UNKL: variants seen among roughly 807,000 people sequenced by gnomAD.
UNKL encodes the protein putative E3 ubiquitin-protein ligase UNKL.
UNKL carries 60 observed loss-of-function variants against 78.0 expected under a neutral mutation model. The observed-to-expected ratio is 0.77, with a 90% CI of 0.63 to 0.95. The LOEUF (loss-of-function observed/expected upper bound fraction) is 0.95. Ranked by LOEUF, UNKL falls within the 40% of genes least tolerant of loss-of-function variation. The pLI is 0.00. For missense variants in UNKL, 1,159 were observed against 1,045.7 expected (o/e 1.11, Z -1.49); for synonymous variants, 608 against 474.8 (o/e 1.28, Z -3.65).
chr16:1,396,917 T>C (rs2037291385), intron 6 of UNKL: 1 of 501,750 alleles, frequency 2.0e-6, no homozygotes, highest in African/African-American at 1.9e-5. Flanking sequence ...ACATTTTCTC[T>C]CTGCTTTTTT....
chr16:1,398,820 A>G (rs2037388796), intron 5 of UNKL: 2 of 1,555,454 alleles, frequency 1.3e-6, no homozygotes, highest in Non-Finnish European at 1.7e-6. Context: ...CCCACAAGCC[A>G]GACCCAGGGG....
chr16:1,364,440 G>A lies in UNKL; in HGVS notation c.*1800C>T, dbSNP rs752178929. On this transcript the variant is annotated 3_prime_UTR_variant, in exon 15 of 15. Coordinates refer to ENST00000389221, the MANE Select transcript of UNKL (RefSeq NM_001372107.1). ...CACGGTCGGGGAGAAACACGTCGGT[G>A]CCGCTTCCCACTCGTGTGCCCTCAC... The A allele has an allele frequency of 3.3e-5, 5 of 152,256 alleles. No homozygotes were observed. The highest frequency in any genetic ancestry group is 7.3e-5 in the Non-Finnish European group (5 of 68,044). 9.4% of individuals were successfully genotyped at this position (152,256 alleles called of 1,614,324 possible).
In UNKL at chr16:1,387,801, C is replaced by G. The variant is rs529922016; in HGVS notation, c.1087-2416G>C. Among the ~76,000 whole-genome samples, 1 of 151,838 alleles carries G rather than the reference C, an allele frequency of 6.6e-6. No individual in the cohort carries two copies. The highest frequency in any genetic ancestry group is 1.5e-5 in the Non-Finnish European group (1 of 67,828). ...TGCCCGGCCTGCGGAAGCCCTCCCC[C>G]ACCCCCGCCTCATCCCATCTCTTGG... is the stretch of plus-strand genomic sequence containing the variant. On this transcript the variant is annotated intron_variant, in intron 9 of 14. Coordinates refer to ENST00000389221, the MANE Select transcript of UNKL (RefSeq NM_001372107.1). The surrounding 1 kb of genome is among the most constrained non-coding windows in gnomAD (Gnocchi z 4.1).
At position 1,387,921 on chromosome 16, in the gene UNKL, C is replaced by G. The variant is rs1596714503; in HGVS notation, c.1087-2536G>C. 3.9e-5 allele frequency among the ~76,000 whole-genome samples: 6 copies of G among 152,208 alleles called. No individual in the cohort carries two copies. The South Asian group carries it at 1.2e-3, about 32-fold the overall frequency. ...CCCTGCTCAGTCAGGCTGAGGTTCC[C>G]CATGTCCTGACCCACCAGTAGCCTA... is the stretch of plus-strand genomic sequence containing the variant. On this transcript the variant is annotated intron_variant, in intron 9 of 14. Transcript: ENST00000389221. The surrounding 1 kb of genome is among the most constrained non-coding windows in gnomAD (Gnocchi z 4.1).
At chr16:1,370,808 G>A (rs948906334) in intron 11 of UNKL, among the ~76,000 whole-genome samples, 2 of 152,234 alleles carry the variant, frequency 1.3e-5, no homozygotes, top group Non-Finnish European at 2.9e-5. Flanking sequence ...ATGGGGCCGG[G>A]CGCACTGGCT....
At chr16:1,394,900 G>C (rs977897031) in intron 6 of UNKL, among the ~76,000 whole-genome samples, 9 of 152,132 alleles carry the variant, frequency 5.9e-5, no homozygotes, top group Non-Finnish European at 1.2e-4. Context: ...TTTTTTGAGA[G>C]AGAGTCTCGC....
chr16:1,376,911 G>A (rs1490922398), intron 10 of UNKL, among the ~76,000 whole-genome samples: 1 of 152,130 alleles, frequency 6.6e-6, no homozygotes, highest in Non-Finnish European at 1.5e-5. Context: ...CCTCGCACCA[G>A]CAAATGAGGC....
intron 10 of UNKL, among the ~76,000 whole-genome samples, chr16:1,384,948 C>A (rs1596706956): frequency 6.6e-6 from 1 of 152,206 alleles, no homozygotes; most frequent in African/African-American, 2.4e-5. Context: ...CGGACGGCGC[C>A]TGCTCTGCCT....
At chr16:1,398,941 G>A (rs1235993878) in intron 5 of UNKL, 4 of 1,546,460 alleles carry the variant, frequency 2.6e-6, no homozygotes, top group East Asian at 2.4e-5. Flanking sequence ...CCAGCTGCCA[G>A]CTGTGAAGAC....
intron 9 of UNKL, 102 bp downstream of exon 9, chr16:1,390,530 A>G: frequency 7.9e-7 from 1 of 1,264,432 alleles, no homozygotes; most frequent in Non-Finnish European, 1.1e-6. Context: ...AGGATGCATG[A>G]GCGCTGCCCT....
chr16:1,369,446 T>G (rs1451077130), intron 12 of UNKL, among the ~76,000 whole-genome samples: 1 of 151,712 alleles, frequency 6.6e-6, no homozygotes, highest in Middle Eastern at 3.2e-3. Flanking sequence ...CTCAGCTCAC[T>G]GCAAACTCCA....
intron 7 of UNKL, among the ~76,000 whole-genome samples, chr16:1,393,375 C>T (rs1426327590): frequency 1.7e-4 from 25 of 151,336 alleles, no homozygotes; most frequent in Non-Finnish European, 5.9e-5. Flanking sequence ...CCCACTGCAG[C>T]GTGGAGGAGG....
intron 10 of UNKL, among the ~76,000 whole-genome samples, chr16:1,375,670 G>A (rs1324080337): frequency 2.6e-5 from 4 of 152,164 alleles, no homozygotes; most frequent in Non-Finnish European, 5.9e-5. Flanking sequence ...GTTGGGGGTC[G>A]GGGCAGCCAG....
intron 10 of UNKL, among the ~76,000 whole-genome samples, chr16:1,380,625 GAA>G (rs71299910): frequency 7.5e-6 from 1 of 133,118 alleles, no homozygotes; most frequent in Non-Finnish European, 1.5e-5. Flanking sequence ...TGTCGATCCT[GAA>G]AAAAAAAAAA....
intron 10 of UNKL, among the ~76,000 whole-genome samples, chr16:1,372,186 C>A (rs2035909044): frequency 6.6e-6 from 1 of 152,084 alleles, no homozygotes; most frequent in Non-Finnish European, 1.5e-5. Context: ...ATGGTGTGAA[C>A]CCCAGAGGCG....
chr16:1,412,656 A>G (rs932795097), intron 2 of UNKL, among the ~76,000 whole-genome samples: 1 of 152,246 alleles, frequency 6.6e-6, no homozygotes, highest in Non-Finnish European at 1.5e-5. Context: ...CTGTCTTAAA[A>G]TTAAAATAAA....
rs1389937126 is a variant in UNKL, at chr16:1,370,144, G to A, written c.1571C>T (p.Ser524Phe). ...CCGGCACTCACCTAGGGGGCTGTAG[G>A]ATGAGGCTGCAGAGCCCAGTGTGCC... The part of the protein sequence containing the change: ...EPGTLGSAAS[S>F]YSPLGLNGVP... The change falls in exon 12 of 15, where the codon TCC becomes TTC. Residue 524 changes from serine to phenylalanine, a missense_variant. By Grantham distance (155) the Ser-to-Phe change is radical. Transcript: ENST00000389221. 2.0e-6 allele frequency: 3 copies of A among 1,522,394 alleles called. No individual in the cohort carries two copies. Among genetic ancestry groups the A allele is most frequent in the Admixed American group, 2.0e-5 (1 of 49,164 alleles). 94.3% of individuals were successfully genotyped at this position (1,522,394 alleles called of 1,614,324 possible). A position where few individuals can be genotyped will look rare whatever the true frequency, so the allele number is the denominator to read the frequency against.
At chr16:1,384,449 G>A (rs1050170211) in intron 10 of UNKL, among the ~76,000 whole-genome samples, 4 of 152,036 alleles carry the variant, frequency 2.6e-5, no homozygotes, top group African/African-American at 9.7e-5. Flanking sequence ...ACCATCACGT[G>A]TCTCAGTGCC....
At position 1,364,401 on chromosome 16, in the gene UNKL, G is replaced by A. The variant is rs1160694109; in HGVS notation, c.*1839C>T. ...TTGCACTTAAAAAATGCTATTAAAA[G>A]TCTTTGGCAAAGCCACGGTCGGGGA... On this transcript the variant is annotated 3_prime_UTR_variant, in exon 15 of 15. Coordinates refer to ENST00000389221, the MANE Select transcript of UNKL (RefSeq NM_001372107.1). 1.3e-5 allele frequency: 2 copies of A among 152,228 alleles called. No homozygotes were observed. The highest frequency in any genetic ancestry group is 2.1e-4 in the South Asian group (1 of 4,830). The allele number at this position is 152,228 out of a possible 1,614,324, so 9.4% of individuals were successfully genotyped here. A position where few individuals can be genotyped will look rare whatever the true frequency, so the allele number is the denominator to read the frequency against.
Sources: allele counts gnomAD v4.1 joint callset (sites outside exome capture counted in the v4.1 genomes callset), GRCh38; gene constraint gnomAD v4.1.1; non-coding constraint Gnocchi (gnomAD v3.1); transcripts MANE v1.5; gene names NCBI Gene and HGNC (gene_info 2026-07-23, HGNC 2026-07-21).